UBXN11: variants seen among roughly 807,000 people sequenced by gnomAD.
UBXN11 encodes UBX domain protein 11, also known as UBX domain-containing protein 11.
Under a neutral mutation model 62.8 loss-of-function variants are expected in UBXN11, and 47 were observed. The observed-to-expected ratio is 0.75, with a 90% CI of 0.59 to 0.95. The LOEUF is 0.95. UBXN11 is among the 40% of genes least tolerant of loss of function. The pLI is 0.00. For synonymous variants in UBXN11, 294 were observed against 267.0 expected (o/e 1.10, Z -0.99); for missense variants, 638 against 661.7 (o/e 0.96, Z 0.39).
intron 7 of UBXN11, 32 bp from the exon 8 acceptor site, chr1:26,294,363 C>G: frequency 6.2e-7 from 1 of 1,609,200 alleles, no homozygotes; most frequent in Non-Finnish European, 8.5e-7. Context: ...TGCGGGGCAC[C>G]GTCAGCTCAG....
At chr1:26,291,840 C>T (rs2073273445) in intron 8 of UBXN11, among the ~76,000 whole-genome samples, 1 of 152,210 alleles carries the variant, frequency 6.6e-6, no homozygotes, top group Non-Finnish European at 1.5e-5. Context: ...CCTGGGCCTA[C>T]AGTGCCCTGG....
Position 26,284,210 on chromosome 1 carries a change from G to T in UBXN11, c.1009C>A (p.Leu337Ile), listed in dbSNP as rs1052665633. Residue 337 changes from leucine (L) to isoleucine (I), a missense_variant, in exon 12 of 15, where the codon CTC (leucine) becomes ATC (isoleucine). Leu to Ile is a conservative substitution (Grantham distance 5, BLOSUM62 2). Coordinates refer to ENST00000374222, the MANE Select transcript of UBXN11 (RefSeq NM_001389556.1). ...RMTAEKFLNR[L>I]PKFVIRQGEV... is the part of the protein sequence containing the mutation. ...CCTTGCCGGATCACAAACTTGGGGA[G>T]CCTGTTCAGAAATTTCTCAGCAGTC... The T allele has an allele frequency of 1.4e-5, 22 of 1,612,906 alleles. No individual in the cohort carries two copies. Among genetic ancestry groups the T allele is most frequent in the Admixed American group, 5.0e-5 (3 of 59,812 alleles).
chr1:26,289,082 C>T (rs138889358), intron 8 of UBXN11, among the ~76,000 whole-genome samples: 1 of 152,294 alleles, frequency 6.6e-6, no homozygotes, highest in East Asian at 1.9e-4. Context: ...TCCCAACTCC[C>T]AAGACCCTTA....
At chr1:26,312,936 G>A (rs929235197) in intron 1 of UBXN11, among the ~76,000 whole-genome samples, 1 of 118,196 alleles carries the variant, frequency 8.5e-6, no homozygotes, top group African/African-American at 3.3e-5. Context: ...CTGAGATCCC[G>A]CCATTGCACT....
At chr1:26,306,837 G>GGGGGGGGGGGGGGGGTGGGT (rs2073682363), upstream of UBXN11, 1 of 63,372 alleles carries the variant, frequency 1.6e-5, no homozygotes, top group Non-Finnish European at 3.5e-5. Flanking sequence ...GGTGGGGGGG[G>GGGGGGGGGGGGGGGGTGGGT]GGGGTGGTTC....
chr1:26,289,420 C>T (rs1440397357), intron 8 of UBXN11, among the ~76,000 whole-genome samples: 2 of 152,016 alleles, frequency 1.3e-5, no homozygotes, highest in Non-Finnish European at 2.9e-5. Context: ...CTTGCACCTA[C>T]TCCCTTGGCC....
rs2073572589 is a variant in UBXN11, at chr1:26,302,836, CAGGGGCACTTTT to C, written c.36_47del (p.Lys13_Leu16del). On this transcript the variant is annotated inframe_deletion, in exon 2 of 15. Coordinates refer to ENST00000374222, the MANE Select transcript of UBXN11 (RefSeq NM_001389556.1). Reference sequence around the variant, plus strand: ...ACCCAGGATTCATAGGCTCCGAGGGCAGGGGCACTTTTCGGGTCTTGCTAAGGGAGGCCAAAG... The same window carrying C: ...ACCCAGGATTCATAGGCTCCGAGGGCCGGGTCTTGCTAAGGGAGGCCAAAG... The C allele has an allele frequency of 6.2e-7, 1 of 1,613,748 alleles. No individual in the cohort carries two copies. The highest frequency in any genetic ancestry group is 8.5e-7 in the Non-Finnish European group (1 of 1,179,842).
Position 26,317,512 on chromosome 1 carries a change from C to T in UBXN11, c.-149+535G>A, listed in dbSNP as rs80290183. 7.7e-4 allele frequency among the ~76,000 whole-genome samples: 118 copies of T among 152,330 alleles called. 3 individuals carry two copies. The East Asian group carries it at 0.016, about 21-fold the overall frequency. ...ATCTATCCCAGCCCTTCTCCTTCAG[C>T]TCCTATACCCTGCCCCAATCTTCTT... On this transcript the variant is annotated intron_variant, in intron 1 of 14. Coordinates refer to the UBXN11 transcript ENST00000374217.
chr1:26,302,285 A>T (rs1385555178), intron 2 of UBXN11, among the ~76,000 whole-genome samples: 1 of 149,300 alleles, frequency 6.7e-6, no homozygotes, highest in Admixed American at 6.8e-5. Flanking sequence ...GCTTGAACTC[A>T]GGAGGCACAG....
At chr1:26,312,979 C>CAGAA (rs2073758313) in intron 1 of UBXN11, among the ~76,000 whole-genome samples, 2 of 48,152 alleles carry the variant, frequency 4.2e-5, no homozygotes, top group Non-Finnish European at 6.8e-5. Context: ...AACTCTGTCT[C>CAGAA]AAAAAAAAAA....
At chr1:26,291,466 T>A (rs542797012) in intron 8 of UBXN11, among the ~76,000 whole-genome samples, 2 of 151,260 alleles carry the variant, frequency 1.3e-5, no homozygotes, top group East Asian at 3.9e-4. Flanking sequence ...GAGGGCAGGG[T>A]TTTTCACAAG....
intron 7 of UBXN11, among the ~76,000 whole-genome samples, chr1:26,296,531 T>A (rs544025365): frequency 6.6e-6 from 1 of 152,206 alleles, no homozygotes; most frequent in East Asian, 1.9e-4. Flanking sequence ...GGGAAGCAGC[T>A]CCATGAGGTC....
chr1:26,282,285 A>T lies in UBXN11; in HGVS notation c.*14T>A. 1 of 1,471,620 alleles carries T rather than the reference A, an allele frequency of 6.8e-7. No individual in the cohort carries two copies. The highest frequency in any genetic ancestry group is 2.9e-5 in the East Asian group (1 of 34,672). 91.2% of individuals were successfully genotyped at this position (1,471,620 alleles called of 1,614,324 possible). On this transcript the variant is annotated 3_prime_UTR_variant, in exon 15 of 15. Coordinates refer to ENST00000374222, the MANE Select transcript of UBXN11 (RefSeq NM_001389556.1). ...AAGAGCCTGGCGGAGCAGCGGGTTGAGGGGGCGGGTGCTTTATTGGGGGCT... is the reference window on the plus strand; with the variant it reads ...AAGAGCCTGGCGGAGCAGCGGGTTGTGGGGGCGGGTGCTTTATTGGGGGCT...
In UBXN11 at chr1:26,297,426, C is replaced by A. The variant is rs757885374; in HGVS notation, c.355+1G>T. ...AGGTCAGCCCTCCAAGAGCCCCCTACCTGGGTGTGGCCGGAGGGTCTGCAC... is the reference window on the plus strand; with the variant it reads ...AGGTCAGCCCTCCAAGAGCCCCCTAACTGGGTGTGGCCGGAGGGTCTGCAC... On this transcript the variant is annotated splice_donor_variant, in intron 6 of 14. Coordinates refer to ENST00000374222, the MANE Select transcript of UBXN11 (RefSeq NM_001389556.1). LOFTEE classifies it high-confidence loss of function. The A allele has an allele frequency of 6.5e-7, 1 of 1,547,406 alleles. No individual in the cohort carries two copies. The highest frequency in any genetic ancestry group is 1.2e-5 in the South Asian group (1 of 83,650).
At chr1:26,313,423 ACTT>A (rs1380207051) in intron 1 of UBXN11, among the ~76,000 whole-genome samples, 2 of 151,688 alleles carry the variant, frequency 1.3e-5, no homozygotes, top group Non-Finnish European at 2.9e-5. Flanking sequence ...CCCACATTTC[ACTT>A]CTTCTTCTTC....
chr1:26,282,658 G>T lies in UBXN11; in HGVS notation c.1283C>A (p.Ala428Glu). 5.0e-6 allele frequency: 8 copies of T among 1,614,038 alleles called. No individual in the cohort carries two copies. The highest frequency in any genetic ancestry group is 6.8e-6 in the Non-Finnish European group (8 of 1,180,022). The stretch of plus-strand genomic sequence containing the variant: ...CCTGCCCTGCACCCACCTGGCCTGC[G>T]CTAGCAGAGCTCGCACGTCCCCAAT... ...NTIGDVRALL[A>E]QARVMDASAF... The change falls in exon 14 of 15, where the codon GCG becomes GAG. Residue 428 changes from alanine (A) to glutamate (E), a missense_variant. By Grantham distance (107) the Ala-to-Glu change is moderately radical. Transcript: ENST00000374222.
Position 26,286,445 on chromosome 1 carries a change from G to A in UBXN11, c.560-408C>T, listed in dbSNP as rs530592111. On this transcript the variant is annotated intron_variant, in intron 8 of 14. Coordinates refer to ENST00000374222, the MANE Select transcript of UBXN11 (RefSeq NM_001389556.1). ...AGGGCAGAGCTCCCAGCTCTGGATC[G>A]AGGCCTTCTGGGTTCAAATCCCAGT... Among the ~76,000 whole-genome samples, 8 of 152,344 alleles carry A rather than the reference G, an allele frequency of 5.3e-5. No individual in the cohort carries two copies. In the South Asian group the frequency reaches 8.3e-4, roughly 16 times the overall value.
rs754252019 is a variant in UBXN11 at position 26,282,440 on chromosome 1, G to A, written c.1422C>T (p.Ala474=). 1.0e-5 allele frequency: 16 copies of A among 1,602,486 alleles called. No homozygotes were observed. The highest frequency in any genetic ancestry group is 8.8e-5 in the South Asian group (8 of 90,748). The change falls in exon 15 of 15, where the codon GCC becomes GCT. Residue 474 remains alanine (A), a synonymous_variant. Coordinates refer to ENST00000374222, the MANE Select transcript of UBXN11 (RefSeq NM_001389556.1). ...KAALLLRARR[A]PKSSLKFSPG... ...GACTGAATTTCAGGCTGGACTTCGG[G>A]GCTCGGCGTGCCCGCAGCAGCAGTG...
At chr1:26,284,983 C>T in intron 10 of UBXN11, 2 of 1,002,062 alleles carry the variant, frequency 2.0e-6, no homozygotes, top group South Asian at 4.2e-5. Flanking sequence ...CGGCACTAAC[C>T]CACCACCTTC....
Sources: allele counts gnomAD v4.1 joint callset (sites outside exome capture counted in the v4.1 genomes callset), GRCh38; gene constraint gnomAD v4.1.1; transcripts MANE v1.5; gene names NCBI Gene and HGNC (gene_info 2026-07-23, HGNC 2026-07-21).